SND1: variants seen among roughly 807,000 people sequenced by gnomAD.
SND1 encodes staphylococcal nuclease domain-containing protein 1.
A neutral mutation model predicts 121.7 loss-of-function variants in SND1; 38 were observed. That is an observed-to-expected ratio of 0.31 (90% CI 0.24 to 0.41). SND1 has a LOEUF of 0.41. Ranked by LOEUF, SND1 falls within the 10% of genes least tolerant of loss-of-function variation. SND1 has a pLI of 1.00. For synonymous variants in SND1, 401 were observed against 447.4 expected (o/e 0.90, Z 1.31); for missense variants, 868 against 1,184.6 (o/e 0.73, Z 3.92).
intron 10 of SND1, among the ~76,000 whole-genome samples, chr7:127,742,017 A>G (rs1185098038): frequency 2.0e-5 from 3 of 152,202 alleles, no homozygotes; most frequent in African/African-American, 7.2e-5. Flanking sequence ...AAGATTTACA[A>G]TCTAGCTTTT....
intron 12 of SND1, among the ~76,000 whole-genome samples, chr7:127,887,523 T>TAA (rs1799934860): frequency 6.6e-6 from 1 of 152,148 alleles, no homozygotes; most frequent in African/African-American, 2.4e-5. Context: ...GTCATGCTTT[T>TAA]ATATGTTCCA....
In SND1 at chr7:128,029,090, G is replaced by C. The variant is rs1290299529; in HGVS notation, c.1779+38034G>C. 1 of 1,614,014 alleles carries C rather than the reference G, an allele frequency of 6.2e-7. No homozygotes were observed. The highest frequency in any genetic ancestry group is 8.5e-7 in the Non-Finnish European group (1 of 1,180,028). On this transcript the variant is annotated intron_variant, in intron 16 of 23. Transcript: ENST00000354725. This position sits in a 1 kb window ranked among gnomAD's most constrained non-coding sequence, Gnocchi z 4.2. ...TGGTCTTCATGACTTCATCCAGGCT[G>C]GTCTGCATCTTGTCAGTGGTGTCTG... is the stretch of plus-strand genomic sequence containing the variant.
At chr7:127,652,796 CAT>C in intron 1 of SND1, among the ~76,000 whole-genome samples, 1 of 152,222 alleles carries the variant, frequency 6.6e-6, no homozygotes, top group East Asian at 1.9e-4. Context: ...TTCATTTTGA[CAT>C]ATGCTGAGTA....
chr7:127,976,739 G>C (rs1584709768), intron 15 of SND1, among the ~76,000 whole-genome samples: 1 of 152,216 alleles, frequency 6.6e-6, no homozygotes, highest in Non-Finnish European at 1.5e-5. Context: ...GTTTGGATTT[G>C]CTGTTCCTTT....
chr7:127,852,178 T>TAAATA (rs1013614714), intron 12 of SND1, among the ~76,000 whole-genome samples: 12 of 78,434 alleles, frequency 1.5e-4, no homozygotes, highest in African/African-American at 3.0e-4. Context: ...TAAAATAAAA[T>TAAATA]AAATAAAATA....
chr7:127,865,717 C>T (rs1799458731), intron 12 of SND1, among the ~76,000 whole-genome samples: 3 of 152,026 alleles, frequency 2.0e-5, no homozygotes, highest in Middle Eastern at 6.8e-3. Context: ...CTGGATCCTC[C>T]TACTTCAGCT....
intron 16 of SND1, among the ~76,000 whole-genome samples, chr7:128,033,198 C>T (rs1792683431): frequency 6.6e-6 from 1 of 152,166 alleles, no homozygotes; most frequent in South Asian, 2.1e-4. Context: ...ATTCTTGCTC[C>T]TATTTCTGGT....
At chr7:127,858,242 G>A in intron 12 of SND1, 1 of 769,970 alleles carries the variant, frequency 1.3e-6, no homozygotes, top group Non-Finnish European at 2.3e-6. Context: ...GTTTCCCTGG[G>A]CCACCATCTG....
intron 15 of SND1, among the ~76,000 whole-genome samples, chr7:127,971,079 C>T (rs763015500): frequency 6.6e-6 from 1 of 152,228 alleles, no homozygotes; most frequent in Non-Finnish European, 1.5e-5. Flanking sequence ...TTCATTCTTT[C>T]AACAATCTTT....
chr7:127,746,263 A>G (rs973415484), intron 10 of SND1, among the ~76,000 whole-genome samples: 1 of 152,254 alleles, frequency 6.6e-6, no homozygotes, highest in Non-Finnish European at 1.5e-5. Flanking sequence ...GTTCTTTTAA[A>G]AAATAGATAG....
intron 3 of SND1, among the ~76,000 whole-genome samples, chr7:127,696,077 A>AT (rs969266803): frequency 6.6e-6 from 1 of 152,042 alleles, no homozygotes; most frequent in Admixed American, 6.5e-5. Context: ...GTGGAGCAGA[A>AT]TTTTTTTTAA....
intron 20 of SND1, 81 bp from the exon 21 acceptor site, chr7:128,086,857 G>T: frequency 8.7e-7 from 1 of 1,154,366 alleles, no homozygotes. Flanking sequence ...ATTCCCAGAG[G>T]CCTGGCCACA....
At chr7:127,803,559 A>G (rs963566133) in intron 10 of SND1, among the ~76,000 whole-genome samples, 6 of 152,200 alleles carry the variant, frequency 3.9e-5, no homozygotes, top group Non-Finnish European at 7.3e-5. Context: ...TATCAGTGGC[A>G]ATCAATTTAT....
chr7:127,938,171 G>A (rs1016234356), intron 15 of SND1, among the ~76,000 whole-genome samples: 1 of 152,190 alleles, frequency 6.6e-6, no homozygotes, highest in African/African-American at 2.4e-5. Context: ...TACTTTTAAA[G>A]ATATCATTAT....
chr7:127,867,523 G>A lies in SND1; in HGVS notation c.1344-20379G>A, dbSNP rs1289255075. On this transcript the variant is annotated intron_variant, in intron 12 of 23. Coordinates refer to ENST00000354725, the MANE Select transcript of SND1 (RefSeq NM_014390.4). Reference sequence around the variant, plus strand: ...GCTGTTCCTTTACTCAAATGATCGCGTCTTTTGATGGTGTCACCATTTACA... The same window carrying A: ...GCTGTTCCTTTACTCAAATGATCGCATCTTTTGATGGTGTCACCATTTACA... Among the ~76,000 whole-genome samples the A allele has an allele frequency of 4.6e-5, 7 of 152,200 alleles. No individual in the cohort carries two copies. In the East Asian group the frequency reaches 5.8e-4, roughly 13 times the overall value.
chr7:127,790,165 C>T (rs1797882625), intron 10 of SND1, among the ~76,000 whole-genome samples: 1 of 152,192 alleles, frequency 6.6e-6, no homozygotes, highest in Non-Finnish European at 1.5e-5. Flanking sequence ...GGAGAGATTT[C>T]TTGCATTCAG....
chr7:127,746,992 GTTGTTA>G (rs1157121764), intron 10 of SND1, among the ~76,000 whole-genome samples: 3 of 152,162 alleles, frequency 2.0e-5, no homozygotes, highest in Non-Finnish European at 4.4e-5. Context: ...TTTTCTCGTT[GTTGTTA>G]TTGTTATTAA....
At chr7:127,688,919 T>C (rs1412919168) in intron 2 of SND1, among the ~76,000 whole-genome samples, 1 of 152,188 alleles carries the variant, frequency 6.6e-6, no homozygotes, top group Non-Finnish European at 1.5e-5. Flanking sequence ...TTTAAAATTA[T>C]AATAAAGGAC....
At chr7:128,043,482 G>C (rs989562529) in intron 16 of SND1, among the ~76,000 whole-genome samples, 4 of 152,028 alleles carry the variant, frequency 2.6e-5, no homozygotes, top group African/African-American at 9.7e-5. Context: ...GCTGAGGTGG[G>C]AGAATCACTT....
Sources: gnomAD v4.1 joint callset for allele counts (sites outside exome capture counted in the v4.1 genomes callset) on GRCh38, gnomAD v4.1.1 for gene constraint, Gnocchi (gnomAD v3.1) non-coding constraint, MANE v1.5 for transcripts, NCBI Gene and HGNC (gene_info 2026-07-23, HGNC 2026-07-21) for gene names.